The following SMIM35 variants were observed in gnomAD, a reference collection of about 807,000 sequenced individuals.
The protein encoded by SMIM35 is TMPRSS4 antisense RNA 1 (non-protein coding).
At chr11:118,081,457 G>C (rs979414364) in intron 1 of SMIM35, among the ~76,000 whole-genome samples, 2 of 152,206 alleles carry the variant, frequency 1.3e-5, no homozygotes, top group Non-Finnish European at 2.9e-5. Context: ...ATGGAAAACC[G>C]CAACAGTCCT....
rs11216667 is a variant in SMIM35 at position 118,005,483 on chromosome 11, C to A, written c.*927G>T. On this transcript the variant is annotated 3_prime_UTR_variant, in exon 5 of 5. Coordinates refer to ENST00000689828, the MANE Select transcript of SMIM35 (RefSeq NM_001394165.1). ...GAACTCTATCCAGCTGCCTCATCAG[C>A]AGCTCCGTCCAGCATACATCTCAAA... The A allele has an allele frequency of 0.27, 40,497 of 152,100 alleles. 6,611 individuals carry two copies. The highest frequency in any genetic ancestry group is 0.45 in the African/African-American group (18,809 of 41,428). 9.4% of individuals were successfully genotyped at this position (152,100 alleles called of 1,614,324 possible). A position where few individuals can be genotyped will look rare whatever the true frequency, so the allele number is the denominator to read the frequency against.
rs572411676 is a variant in SMIM35 at position 118,076,126 on chromosome 11, C to T, written c.7+10625G>A. Among the ~76,000 whole-genome samples the T allele has an allele frequency of 3.3e-5, 5 of 152,270 alleles. No homozygotes were observed. In the East Asian group the frequency reaches 9.6e-4, roughly 29 times the overall value. On this transcript the variant is annotated intron_variant, in intron 1 of 4. Coordinates refer to ENST00000689828, the MANE Select transcript of SMIM35 (RefSeq NM_001394165.1). Reference sequence around the variant, plus strand: ...CTACTAAAAATACAAATTAGCCAGGCATGGTGGCGCACAACACCTGTAATC... The same window carrying T: ...CTACTAAAAATACAAATTAGCCAGGTATGGTGGCGCACAACACCTGTAATC...
chr11:118,041,051 T>C (rs1943992598), intron 1 of SMIM35, among the ~76,000 whole-genome samples: 1 of 152,012 alleles, frequency 6.6e-6, no homozygotes, highest in African/African-American at 2.4e-5. Context: ...ACATCACTGG[T>C]ATTAAGCTAT....
intron 1 of SMIM35, among the ~76,000 whole-genome samples, chr11:118,076,524 G>A (rs1339184759): frequency 6.6e-6 from 1 of 152,136 alleles, no homozygotes; most frequent in Non-Finnish European, 1.5e-5. Flanking sequence ...TCTAGCCAGA[G>A]CACCAATAGT....
intron 1 of SMIM35, among the ~76,000 whole-genome samples, chr11:118,061,462 G>C (rs1470180847): frequency 6.6e-6 from 1 of 152,196 alleles, no homozygotes; most frequent in Non-Finnish European, 1.5e-5. Context: ...TCAGGGACTA[G>C]AGTGGCAGGT....
At chr11:118,076,112 A>G (rs1944677831) in intron 1 of SMIM35, among the ~76,000 whole-genome samples, 1 of 152,214 alleles carries the variant, frequency 6.6e-6, no homozygotes, top group African/African-American at 2.4e-5. Flanking sequence ...TACTAAAAAT[A>G]CAAATTAGCC....
chr11:118,085,935 G>C (rs12281093), intron 1 of SMIM35, among the ~76,000 whole-genome samples: 2,608 of 152,306 alleles, frequency 0.017, 69 homozygotes, highest in African/African-American at 0.057. Flanking sequence ...AGAAAGGTGG[G>C]AGAGAATGGG....
At chr11:118,062,733 C>G (rs1944410661) in intron 1 of SMIM35, among the ~76,000 whole-genome samples, 1 of 152,158 alleles carries the variant, frequency 6.6e-6, no homozygotes, top group African/African-American at 2.4e-5. Context: ...TTTTCTGTTG[C>G]CTCTTTTATT....
rs150848438 is a variant in SMIM35, at chr11:118,071,383, G to T, written c.7+15368C>A. Reference sequence around the variant, plus strand: ...GAGACTAAATGATGTCTTAGGAGAAGGACTGCTAAGCAGTAGAAATCCTTT... The same window carrying T: ...GAGACTAAATGATGTCTTAGGAGAATGACTGCTAAGCAGTAGAAATCCTTT... On this transcript the variant is annotated intron_variant, in intron 1 of 4. Coordinates refer to ENST00000689828, the MANE Select transcript of SMIM35 (RefSeq NM_001394165.1). Among the ~76,000 whole-genome samples the T allele has an allele frequency of 5.0e-4, 76 of 152,348 alleles. 2 individuals are homozygous for T. In the East Asian group the frequency reaches 0.014, roughly 28 times the overall value.
intron 1 of SMIM35, among the ~76,000 whole-genome samples, chr11:118,080,096 C>T (rs1239809621): frequency 2.0e-5 from 3 of 152,186 alleles, no homozygotes; most frequent in Admixed American, 6.5e-5. Context: ...ATTGGGAGGA[C>T]CCAATACCTA....
intron 1 of SMIM35, among the ~76,000 whole-genome samples, chr11:118,076,710 C>T (rs1944701069): frequency 6.6e-6 from 1 of 152,110 alleles, no homozygotes; most frequent in South Asian, 2.1e-4. Context: ...CCACACCTGG[C>T]AATGATCTCT....
chr11:118,014,061 T>C (rs555493839), intron 3 of SMIM35, among the ~76,000 whole-genome samples, 181 bp from the exon 4 acceptor site: 6 of 152,292 alleles, frequency 3.9e-5, no homozygotes, highest in South Asian at 2.1e-4. Context: ...GGCAAGTAGA[T>C]GAGATGACCA....
At chr11:118,058,699 G>A (rs372248506) in intron 1 of SMIM35, among the ~76,000 whole-genome samples, 100 of 152,288 alleles carry the variant, frequency 6.6e-4, no homozygotes, top group African/African-American at 1.7e-3. Flanking sequence ...ATCTGGACCC[G>A]AGGGCTGCGG....
chr11:118,043,593 G>A (rs995058425), intron 1 of SMIM35, among the ~76,000 whole-genome samples: 9 of 152,030 alleles, frequency 5.9e-5, no homozygotes, highest in Admixed American at 1.3e-4. Flanking sequence ...GGCCGAACAC[G>A]AGGTCAGGAT....
At chr11:118,056,119 A>T (rs901038553) in intron 1 of SMIM35, among the ~76,000 whole-genome samples, 1 of 152,074 alleles carries the variant, frequency 6.6e-6, no homozygotes, top group African/African-American at 2.4e-5. Flanking sequence ...CAAGTGGTGG[A>T]TGGGGCAGGT....
Position 118,010,740 on chromosome 11 carries a change from A to T in SMIM35, c.*33+3008T>A, listed in dbSNP as rs116952245. 1.0e-2 allele frequency among the ~76,000 whole-genome samples: 1,517 copies of T among 152,320 alleles called. 15 individuals carry two copies. Among genetic ancestry groups the T allele is most frequent in the South Asian group, 0.038 (185 of 4,830 alleles). On this transcript the variant is annotated intron_variant, in intron 4 of 4. Coordinates refer to ENST00000689828, the MANE Select transcript of SMIM35 (RefSeq NM_001394165.1). ...GACAAGAGGCCACCCAGGCTGGAGA[A>T]TAGCCCCAGAGAAGGCACCAAAGCG... is the stretch of plus-strand genomic sequence containing the variant.
At chr11:118,054,414 G>A (rs1364389188) in intron 1 of SMIM35, among the ~76,000 whole-genome samples, 2 of 152,186 alleles carry the variant, frequency 1.3e-5, no homozygotes, top group African/African-American at 4.8e-5. Context: ...ATAGACAGCT[G>A]CATTTTTGGT....
intron 1 of SMIM35, among the ~76,000 whole-genome samples, chr11:118,078,845 G>C (rs1224758601): frequency 6.6e-6 from 1 of 152,090 alleles, no homozygotes; most frequent in East Asian, 1.9e-4. Context: ...CCACGGAAAC[G>C]ATATGACCCA....
intron 1 of SMIM35, among the ~76,000 whole-genome samples, chr11:118,075,718 C>T (rs890569108): frequency 1.3e-5 from 2 of 152,212 alleles, no homozygotes; most frequent in African/African-American, 4.8e-5. Flanking sequence ...AGGCTGGTCT[C>T]CTGGGAGGGT....
Sources: allele counts gnomAD v4.1 joint callset (sites outside exome capture counted in the v4.1 genomes callset), GRCh38; gene constraint gnomAD v4.1.1; transcripts MANE v1.5; gene names NCBI Gene and HGNC (gene_info 2026-07-23, HGNC 2026-07-21).